Variants in SCAF8 observed in about 807,000 individuals in gnomAD.
SCAF8 encodes the protein SR-related CTD associated factor 8, also known as SR-related and CTD-associated factor 8.
SCAF8 carries 23 observed loss-of-function variants against 140.5 expected under a neutral mutation model. The ratio of observed to expected loss-of-function variants is 0.16; its 90% CI spans 0.12 to 0.23. SCAF8 has a LOEUF of 0.23. SCAF8 is among the 10% of genes least tolerant of loss of function. The pLI is 1.00. For missense variants in SCAF8, 1,397 were observed against 1,555.7 expected, an observed-to-expected ratio of 0.90 and a Z score of 1.72; for synonymous variants, 575 against 528.9, an observed-to-expected ratio of 1.09 and a Z score of -1.20.
intron 3 of SCAF8, among the ~76,000 whole-genome samples, chr6:154,783,208 CTT>C (rs1365489230): frequency 6.6e-6 from 1 of 152,138 alleles, no homozygotes; most frequent in Non-Finnish European, 1.5e-5. Flanking sequence ...TTACCCAACT[CTT>C]TTTGTCTGTA....
chr6:154,822,319 C>G lies in SCAF8; in HGVS notation c.1836C>G (p.Val612=), dbSNP rs1229245814. 3.1e-6 allele frequency: 5 copies of G among 1,613,384 alleles called. No individual in the cohort carries two copies. The highest frequency in any genetic ancestry group is 4.2e-6 in the Non-Finnish European group (5 of 1,179,534). ...VKSSEPVKET[V]QTTQSPTPVE... ...GCTCAGAACCTGTTAAAGAGACGGT[C>G]CAGACAACTCAGAGCCCAACTCCAG... Residue 612 remains valine, a synonymous_variant, in exon 16 of 20, where the codon GTC becomes GTG. Transcript: ENST00000367178.
chr6:154,745,311 G>A (rs1778670909), intron 1 of SCAF8, among the ~76,000 whole-genome samples: 1 of 152,160 alleles, frequency 6.6e-6, no homozygotes, highest in Non-Finnish European at 1.5e-5. Context: ...ATTCCTCTCA[G>A]CACACCATAT....
chr6:154,806,940 GTAA>G (rs1777934911), intron 9 of SCAF8, among the ~76,000 whole-genome samples: 2 of 152,196 alleles, frequency 1.3e-5, no homozygotes. Context: ...CGTCAGTGAT[GTAA>G]TAATACAAAA....
chr6:154,798,178 A>C (rs1777663998), intron 6 of SCAF8, among the ~76,000 whole-genome samples: 1 of 151,524 alleles, frequency 6.6e-6, no homozygotes, highest in African/African-American at 2.4e-5. Flanking sequence ...GCAATACATA[A>C]ATGTAATTAA....
chr6:154,755,655 A>G (rs1778949530), intron 1 of SCAF8, among the ~76,000 whole-genome samples: 1 of 152,138 alleles, frequency 6.6e-6, no homozygotes, highest in African/African-American at 2.4e-5. Flanking sequence ...TGAGCTATGG[A>G]TTTGAGACTT....
At chr6:154,769,645 A>AG (rs1403085889) in intron 1 of SCAF8, among the ~76,000 whole-genome samples, 2 of 152,224 alleles carry the variant, frequency 1.3e-5, no homozygotes, top group African/African-American at 4.8e-5. Flanking sequence ...CTGTGAAAAC[A>AG]GTATTATTTC....
chr6:154,813,810 T>TGAAAGGA lies in SCAF8; in HGVS notation c.1421-1903_1421-1897dup, dbSNP rs556925126. On this transcript the variant is annotated intron_variant, in intron 12 of 19. Coordinates refer to ENST00000367178, the MANE Select transcript of SCAF8 (RefSeq NM_014892.5). ...TTGAAGAGAAAAGGTGATGTGATAA[T>TGAAAGGA]GAAAGGAGAGAGAATTTGGGAAATG... Among the ~76,000 whole-genome samples, 8 of 151,880 alleles carry TGAAAGGA rather than the reference T, an allele frequency of 5.3e-5. No homozygotes were observed. In the East Asian group the frequency reaches 7.8e-4, roughly 15 times the overall value.
In SCAF8 at chr6:154,831,940, G is replaced by C. The variant is rs1377577605; in HGVS notation, c.2361G>C (p.Val787=). The change falls in exon 20 of 20, where the codon GTG becomes GTC. Residue 787 remains valine (V), a splice_region_variant and synonymous_variant. Transcript: ENST00000367178. ...TTTTCTCTCTCTCTTTTTTTTTAGT[G>C]ATTCCAAATGATATTTCAAGTAATG... The part of the protein sequence containing the change: ...QISSGENTRS[V]IPNDISSNAA... 3.2e-6 allele frequency: 5 copies of C among 1,566,048 alleles called. 1 individual carries two copies. The South Asian group carries it at 6.0e-5, about 19-fold the overall frequency.
intron 4 of SCAF8, among the ~76,000 whole-genome samples, chr6:154,788,314 G>C (rs1300717672): frequency 2.0e-5 from 3 of 152,124 alleles, no homozygotes; most frequent in African/African-American, 7.2e-5. Context: ...ATATAGTCTA[G>C]GTGTGTAGTA....
At chr6:154,816,569 G>C (rs886078385) in intron 13 of SCAF8, among the ~76,000 whole-genome samples, 1 of 151,984 alleles carries the variant, frequency 6.6e-6, no homozygotes, top group Non-Finnish European at 1.5e-5. Flanking sequence ...TGTTTGGGGA[G>C]ACATTTATCC....
intron 1 of SCAF8, among the ~76,000 whole-genome samples, chr6:154,761,457 T>G (rs1583011164): frequency 6.6e-6 from 1 of 152,242 alleles, no homozygotes; most frequent in East Asian, 1.9e-4. Flanking sequence ...GTGCACTCCA[T>G]ACTCCAGCCT....
intron 3 of SCAF8, among the ~76,000 whole-genome samples, chr6:154,786,243 C>T (rs1777255093): frequency 1.3e-5 from 2 of 152,146 alleles, no homozygotes; most frequent in African/African-American, 4.8e-5. Flanking sequence ...TAGGGAGGTC[C>T]AAGTGAGGTT....
intron 1 of SCAF8, among the ~76,000 whole-genome samples, chr6:154,765,299 A>T (rs1776530695): frequency 6.6e-6 from 1 of 152,192 alleles, no homozygotes; most frequent in African/African-American, 2.4e-5. Flanking sequence ...ATTGAGTGGT[A>T]GTGAACTGTA....
chr6:154,833,458 G>C lies in SCAF8; in HGVS notation c.*63G>C. 1 of 1,471,688 alleles carries C rather than the reference G, an allele frequency of 6.8e-7. No individual in the cohort carries two copies. Among genetic ancestry groups the C allele is most frequent in the Non-Finnish European group, 9.2e-7 (1 of 1,082,944 alleles). 91.2% of individuals were successfully genotyped at this position (1,471,688 alleles called of 1,614,324 possible). Reference sequence around the variant, plus strand: ...TGTCATCTCTCTGTAATAGATAATGGCTGACTGGACCATAGTTGTTCACTT... The same window carrying C: ...TGTCATCTCTCTGTAATAGATAATGCCTGACTGGACCATAGTTGTTCACTT... On this transcript the variant is annotated 3_prime_UTR_variant, in exon 20 of 20. Coordinates refer to ENST00000367178, the MANE Select transcript of SCAF8 (RefSeq NM_014892.5).
chr6:154,758,884 G>A (rs1391803190), intron 1 of SCAF8, among the ~76,000 whole-genome samples: 2 of 152,144 alleles, frequency 1.3e-5, no homozygotes, highest in African/African-American at 4.8e-5. Context: ...GCATGGAGGA[G>A]TCCTTTTTCC....
chr6:154,762,670 T>C (rs1314706671), intron 1 of SCAF8, among the ~76,000 whole-genome samples: 1 of 152,138 alleles, frequency 6.6e-6, no homozygotes, highest in Non-Finnish European at 1.5e-5. Flanking sequence ...CCTTTTAATA[T>C]TTTTTTGTGA....
chr6:154,758,966 C>G (rs1779032738), intron 1 of SCAF8, among the ~76,000 whole-genome samples: 2 of 152,142 alleles, frequency 1.3e-5, no homozygotes, highest in South Asian at 4.2e-4. Context: ...TCTGTATTCT[C>G]CTAGCACTGA....
rs761523007 is a variant in SCAF8 at position 154,733,917 on chromosome 6, C to T, written c.17C>T (p.Thr6Ile). The T allele has an allele frequency of 3.9e-6, 6 of 1,538,482 alleles. No individual in the cohort carries two copies. The highest frequency in any genetic ancestry group is 5.2e-6 in the Non-Finnish European group (6 of 1,149,128). The change falls in exon 1 of 20, where the codon ACC becomes ATC. Residue 6 changes from threonine (T) to isoleucine (I), a missense_variant. By Grantham distance (89) the Thr-to-Ile change is moderately conservative (BLOSUM62 -1). This residue lies in a region of SCAF8 where 26 missense variants were observed against 20.9 expected (regional missense o/e 1.25). Coordinates refer to ENST00000367178, the MANE Select transcript of SCAF8 (RefSeq NM_014892.5). MEAVK[T>I]FNSELYSLND... ...AGCGACAACATGGAGGCCGTGAAGA[C>T]CTTCAATAGCGAGGTTGGTATGGCA...
In SCAF8 at chr6:154,760,975, A is replaced by T. The variant is rs550175132; in HGVS notation, c.31-13014A>T. 1.6e-3 allele frequency among the ~76,000 whole-genome samples: 241 copies of T among 150,748 alleles called. 1 individual carries two copies. Among genetic ancestry groups the T allele is most frequent in the African/African-American group, 5.7e-3 (235 of 41,002 alleles). On this transcript the variant is annotated intron_variant, in intron 1 of 19. Transcript: ENST00000367178. ...ATTTTTTTCTTTTTTCTTTTTTTTTAAATTTTTGTAGAGGCAGGGCCTTGC... is the reference window on the plus strand; with the variant it reads ...ATTTTTTTCTTTTTTCTTTTTTTTTTAATTTTTGTAGAGGCAGGGCCTTGC...
Sources: allele counts gnomAD v4.1 joint callset (sites outside exome capture counted in the v4.1 genomes callset), GRCh38; gene constraint gnomAD v4.1.1; regional missense constraint gnomAD v4.1.1; transcripts MANE v1.5; gene names NCBI Gene and HGNC (gene_info 2026-07-23, HGNC 2026-07-21).